RUNX1: variants seen among roughly 807,000 people sequenced by gnomAD.
The protein encoded by RUNX1 is RUNX family transcription factor 1.
RUNX1 carries 19 observed loss-of-function variants against 42.8 expected under a neutral mutation model. That is an observed-to-expected ratio of 0.44 (90% confidence interval 0.31 to 0.65). RUNX1 has a LOEUF of 0.65. Ranked by LOEUF, RUNX1 falls within the 30% of genes least tolerant of loss-of-function variation. The pLI, the probability that RUNX1 is intolerant of heterozygous loss-of-function variation, is 0.07. For synonymous variants in RUNX1, 271 were observed against 289.4 expected, an observed-to-expected ratio of 0.94 and a Z score of 0.64; for missense variants, 528 against 672.0, an observed-to-expected ratio of 0.79 and a Z score of 2.37.
intron 2 of RUNX1, among the ~76,000 whole-genome samples, chr21:35,013,336 C>T (rs2059138754): frequency 6.6e-6 from 1 of 152,088 alleles, no homozygotes; most frequent in Non-Finnish European, 1.5e-5. Context: ...TAAATGAGAC[C>T]AACACATAAG....
intron 6 of RUNX1, among the ~76,000 whole-genome samples, chr21:34,849,363 AT>A (rs1397411290): frequency 4.0e-5 from 2 of 49,948 alleles, no homozygotes; most frequent in South Asian, 5.3e-4. Context: ...TATATAATAT[AT>A]TATATATACT....
At chr21:34,801,275 A>G (rs1452536506) in intron 7 of RUNX1, among the ~76,000 whole-genome samples, 1 of 152,166 alleles carries the variant, frequency 6.6e-6, no homozygotes, top group Non-Finnish European at 1.5e-5. Context: ...ACTGCAGTAC[A>G]GTAATTCACG....
intron 6 of RUNX1, among the ~76,000 whole-genome samples, chr21:34,850,071 G>C (rs1408492017): frequency 6.6e-6 from 1 of 152,140 alleles, no homozygotes; most frequent in South Asian, 2.1e-4. Context: ...GAAAACTCAA[G>C]GAGAAATTTT....
intron 3 of RUNX1, among the ~76,000 whole-genome samples, chr21:34,891,073 C>T (rs2058076038): frequency 1.3e-5 from 2 of 152,092 alleles, no homozygotes; most frequent in Non-Finnish European, 2.9e-5. Flanking sequence ...GGAGGCTCCT[C>T]TGGGTCTCGG....
At chr21:34,829,509 C>T (rs1050718803) in intron 7 of RUNX1, among the ~76,000 whole-genome samples, 38 of 152,176 alleles carry the variant, frequency 2.5e-4, no homozygotes, top group African/African-American at 8.2e-4. Flanking sequence ...GGCTTGTTGT[C>T]GGGGTAAGAT....
At chr21:34,896,811 G>C (rs2058134277) in intron 2 of RUNX1, among the ~76,000 whole-genome samples, 1 of 152,200 alleles carries the variant, frequency 6.6e-6, no homozygotes, top group Admixed American at 6.5e-5. Context: ...TGTCTACAGA[G>C]AGTGCCATGT....
intron 8 of RUNX1, among the ~76,000 whole-genome samples, chr21:34,794,817 T>C (rs1601338862): frequency 1.3e-5 from 2 of 152,214 alleles, no homozygotes; most frequent in East Asian, 1.9e-4. Context: ...TCGTTCATCG[T>C]AGGATGTGTG....
intron 2 of RUNX1, among the ~76,000 whole-genome samples, chr21:35,011,103 TTC>T (rs2059123422): frequency 6.6e-6 from 1 of 152,158 alleles, no homozygotes; most frequent in Non-Finnish European, 1.5e-5. Flanking sequence ...GCAGAAATAA[TTC>T]CGGTTTTTGC....
chr21:35,010,723 G>GC (rs1228743267), intron 2 of RUNX1, among the ~76,000 whole-genome samples: 2 of 151,992 alleles, frequency 1.3e-5, no homozygotes, highest in Non-Finnish European at 2.9e-5. Context: ...GCAACTCGCT[G>GC]CCAGCACTCA....
chr21:34,985,285 C>T (rs2058876868), intron 2 of RUNX1, among the ~76,000 whole-genome samples: 1 of 152,188 alleles, frequency 6.6e-6, no homozygotes, highest in African/African-American at 2.4e-5. Context: ...AGGCTGCCAG[C>T]AGGACCTCAA....
chr21:35,018,273 G>A (rs142060542), intron 2 of RUNX1, among the ~76,000 whole-genome samples: 77 of 152,220 alleles, frequency 5.1e-4, no homozygotes, highest in Non-Finnish European at 4.9e-4. Context: ...TGATCTGCCT[G>A]TCTCGGCCTC....
intron 2 of RUNX1, among the ~76,000 whole-genome samples, chr21:34,920,443 T>C (rs1569105218): frequency 6.6e-6 from 1 of 152,170 alleles, no homozygotes; most frequent in African/African-American, 2.4e-5. Flanking sequence ...CACCATGAAA[T>C]TTACCAGTTT....
rs1166089094 is a variant in RUNX1, at chr21:34,792,519, G to C, written c.1059C>G (p.Phe353Leu). 1 of 1,604,362 alleles carries C rather than the reference G, an allele frequency of 6.2e-7. No individual in the cohort carries two copies. Among genetic ancestry groups the C allele is most frequent in the South Asian group, 1.1e-5 (1 of 89,354 alleles). ...SDPRMHYPGA[F>L]TYSPTPVTSG... Reference sequence around the variant, plus strand: ...AGGTGACCGGCGTCGGGGAGTAGGTGAAGGCGCCTGGATAGTGCATGCGGG... The same window carrying C: ...AGGTGACCGGCGTCGGGGAGTAGGTCAAGGCGCCTGGATAGTGCATGCGGG... The change falls in exon 9 of 9, where the codon TTC becomes TTG. Residue 353 changes from phenylalanine (F) to leucine (L), a missense_variant. By Grantham distance (22) the Phe-to-Leu change is conservative. Coordinates refer to ENST00000675419, the MANE Select transcript of RUNX1 (RefSeq NM_001754.5). The surrounding 1 kb of genome is among the most constrained non-coding windows in gnomAD (Gnocchi z 6.9).
intron 2 of RUNX1, among the ~76,000 whole-genome samples, chr21:34,940,025 C>T (rs1251387348): frequency 6.6e-6 from 1 of 152,098 alleles, no homozygotes; most frequent in African/African-American, 2.4e-5. Flanking sequence ...GCATTTCAGC[C>T]TCATAACTTT....
At chr21:34,957,606 T>A (rs2058653925) in intron 2 of RUNX1, among the ~76,000 whole-genome samples, 1 of 152,170 alleles carries the variant, frequency 6.6e-6, no homozygotes, top group Admixed American at 6.5e-5. Context: ...TATCCGAGGA[T>A]AACAGGGTGA....
At chr21:35,005,441 A>G (rs569648992) in intron 2 of RUNX1, among the ~76,000 whole-genome samples, 9 of 152,266 alleles carry the variant, frequency 5.9e-5, no homozygotes, top group African/African-American at 1.7e-4. Flanking sequence ...ATACCCCACG[A>G]ATAATTTAAT....
At chr21:34,913,821 G>T (rs995726636) in intron 2 of RUNX1, among the ~76,000 whole-genome samples, 1 of 152,174 alleles carries the variant, frequency 6.6e-6, no homozygotes, top group African/African-American at 2.4e-5. Flanking sequence ...GGGCTGTATG[G>T]ATTAAATTCC....
chr21:34,936,627 T>G (rs2058487608), intron 2 of RUNX1, among the ~76,000 whole-genome samples: 1 of 152,168 alleles, frequency 6.6e-6, no homozygotes, highest in Non-Finnish European at 1.5e-5. Context: ...AACACTCGAA[T>G]GCACAAAGCA....
At chr21:35,009,101 G>T (rs1276275030) in intron 2 of RUNX1, among the ~76,000 whole-genome samples, 2 of 152,186 alleles carry the variant, frequency 1.3e-5, no homozygotes, top group Non-Finnish European at 2.9e-5. Context: ...GGTCTATCAG[G>T]AGGGAGGTCC....
Sources: gnomAD v4.1 joint callset for allele counts (sites outside exome capture counted in the v4.1 genomes callset) on GRCh38, gnomAD v4.1.1 for gene constraint, Gnocchi (gnomAD v3.1) non-coding constraint, MANE v1.5 for transcripts, NCBI Gene and HGNC (gene_info 2026-07-23, HGNC 2026-07-21) for gene names.